The following SKAP1 variants were observed in gnomAD, a reference collection of about 807,000 sequenced individuals.
SKAP1 encodes the protein src kinase-associated phosphoprotein 1.
In SKAP1, 44 loss-of-function variants were observed where a neutral mutation model predicts 58.5. The observed-to-expected ratio is 0.75, with a 90% confidence interval of 0.59 to 0.97. The LOEUF (loss-of-function observed/expected upper bound fraction) is 0.97, where lower values mean the gene tolerates loss of function less well. Ranked by LOEUF, SKAP1 falls within the 50% of genes least tolerant of loss-of-function variation. SKAP1 has a pLI of 0.00. For missense variants in SKAP1, 390 were observed against 435.2 expected (o/e 0.90, Z 0.92); for synonymous variants, 127 against 149.7 (o/e 0.85, Z 1.11).
At chr17:48,191,999 T>C (rs1375744247) in intron 4 of SKAP1, among the ~76,000 whole-genome samples, 1 of 152,086 alleles carries the variant, frequency 6.6e-6, no homozygotes, top group Non-Finnish European at 1.5e-5. Context: ...AAGAGAAGGC[T>C]CTCTGAAGTG....
intron 1 of SKAP1, among the ~76,000 whole-genome samples, chr17:48,414,419 A>T (rs1482670317): frequency 6.6e-6 from 1 of 152,162 alleles, no homozygotes; most frequent in African/African-American, 2.4e-5. Flanking sequence ...GAGAGACAAA[A>T]AATTTCAAAT....
rs191540582 is a variant in SKAP1, at chr17:48,324,853, G to A, written c.280+21052C>T. Among the ~76,000 whole-genome samples, 101 of 151,990 alleles carry A rather than the reference G, an allele frequency of 6.6e-4. 2 individuals carry two copies. Among genetic ancestry groups the A allele is most frequent in the Non-Finnish European group, 1.3e-3 (85 of 67,982 alleles). On this transcript the variant is annotated intron_variant, in intron 4 of 12. Coordinates refer to ENST00000336915, the MANE Select transcript of SKAP1 (RefSeq NM_003726.4). The stretch of plus-strand genomic sequence containing the variant: ...ACCAAACTATTTACCCACCTGCAGC[G>A]TGTGGTCACTCCCTATACTTTTACC...
intron 10 of SKAP1, 96 bp from the exon 11 acceptor site, chr17:48,162,665 G>A: frequency 1.2e-6 from 1 of 838,210 alleles, no homozygotes; most frequent in Non-Finnish European, 1.9e-6. Flanking sequence ...TTCTGATATT[G>A]CCCCTAGGAA....
intron 4 of SKAP1, among the ~76,000 whole-genome samples, chr17:48,298,217 C>T (rs995362592): frequency 1.3e-5 from 2 of 152,162 alleles, no homozygotes; most frequent in Non-Finnish European, 1.5e-5. Flanking sequence ...CTAAAGTTTC[C>T]GGACTTCTAT....
intron 2 of SKAP1, among the ~76,000 whole-genome samples, chr17:48,374,216 T>G (rs1215132958): frequency 6.6e-6 from 1 of 151,538 alleles, no homozygotes; most frequent in Non-Finnish European, 1.5e-5. Context: ...TGTTTTTTTT[T>G]TTTTTGTACA....
At chr17:48,413,523 A>AATATATATATATATAT (rs1555624885) in intron 1 of SKAP1, among the ~76,000 whole-genome samples, 6 of 105,424 alleles carry the variant, frequency 5.7e-5, no homozygotes, top group African/African-American at 2.1e-4. Context: ...TCAAAAAAAA[A>AATATATATATATATAT]ATATATATAT....
At chr17:48,141,576 C>T (rs1386930049) in intron 11 of SKAP1, among the ~76,000 whole-genome samples, 1 of 151,938 alleles carries the variant, frequency 6.6e-6, no homozygotes, top group Non-Finnish European at 1.5e-5. Context: ...GGGGTTTCAC[C>T]ATATTGGCCA....
intron 4 of SKAP1, among the ~76,000 whole-genome samples, chr17:48,204,973 T>TTTTCTTTTCTTTTC (rs71356522): frequency 5.6e-4 from 43 of 77,322 alleles, no homozygotes; most frequent in Admixed American, 8.7e-4. Context: ...TTTTCTTTTC[T>TTTTCTTTTCTTTTC]TTTCTTTCTT....
chr17:48,312,656 T>C (rs1031081165), intron 4 of SKAP1, among the ~76,000 whole-genome samples: 1 of 152,218 alleles, frequency 6.6e-6, no homozygotes, highest in Non-Finnish European at 1.5e-5. Context: ...TTCAGAAGAA[T>C]GACCAAGACA....
the SKAP1 span, among the ~76,000 whole-genome samples, chr17:48,441,527 C>G: frequency 6.6e-6 from 1 of 152,152 alleles, no homozygotes; most frequent in Non-Finnish European, 1.5e-5. Flanking sequence ...AATAGCTTTA[C>G]CACTTCCTGT....
At chr17:48,435,777 G>A in the SKAP1 span, among the ~76,000 whole-genome samples, 4 of 152,196 alleles carry the variant, frequency 2.6e-5, no homozygotes, top group African/African-American at 4.8e-5. Context: ...GAGAGAAGGG[G>A]CAGTTATTTA....
chr17:48,256,317 T>C (rs2065423441), intron 4 of SKAP1, among the ~76,000 whole-genome samples: 1 of 152,066 alleles, frequency 6.6e-6, no homozygotes, highest in Non-Finnish European at 1.5e-5. Flanking sequence ...ACAGACTGAA[T>C]GATGAAAAAA....
At chr17:48,180,381 C>T (rs1314577198) in intron 8 of SKAP1, 133 bp from the exon 9 acceptor site, 3 of 686,908 alleles carry the variant, frequency 4.4e-6, no homozygotes, top group African/African-American at 1.8e-5. Flanking sequence ...AGGTTAAATG[C>T]TATTATTTCT....
intron 1 of SKAP1, among the ~76,000 whole-genome samples, chr17:48,420,493 A>G (rs900825315): frequency 6.6e-6 from 1 of 152,152 alleles, no homozygotes; most frequent in Non-Finnish European, 1.5e-5. Context: ...TTTACTTTAG[A>G]TAGGATAAAG....
At chr17:48,405,158 G>T in intron 1 of SKAP1, among the ~76,000 whole-genome samples, 1 of 152,024 alleles carries the variant, frequency 6.6e-6, no homozygotes, top group East Asian at 1.9e-4. Flanking sequence ...ATAATGGTTT[G>T]GAGTGTGTCC....
intron 4 of SKAP1, chr17:48,344,251 T>C (rs1344774507): frequency 5.2e-6 from 3 of 576,818 alleles, no homozygotes; most frequent in Non-Finnish European, 6.6e-6. Flanking sequence ...TGTTCTTGTT[T>C]CTTACCTTAA....
chr17:48,438,858 G>A, the SKAP1 span, among the ~76,000 whole-genome samples: 1 of 152,148 alleles, frequency 6.6e-6, no homozygotes, highest in Non-Finnish European at 1.5e-5. Context: ...TGTGGCAGAC[G>A]GACACGACTT....
chr17:48,365,812 T>C (rs1434959142), intron 2 of SKAP1, among the ~76,000 whole-genome samples: 2 of 137,704 alleles, frequency 1.5e-5, no homozygotes, highest in African/African-American at 2.7e-5. Context: ...AGGGAGGGAG[T>C]CCACAGTTTT....
chr17:48,160,374 G>A (rs907003276), intron 11 of SKAP1, among the ~76,000 whole-genome samples: 2 of 152,034 alleles, frequency 1.3e-5, no homozygotes, highest in Admixed American at 1.3e-4. Context: ...TTGGGCTCAA[G>A]CATCCTCCTG....
Sources: gnomAD v4.1 joint callset for allele counts (sites outside exome capture counted in the v4.1 genomes callset) on GRCh38, gnomAD v4.1.1 for gene constraint, MANE v1.5 for transcripts, NCBI Gene and HGNC (gene_info 2026-07-23, HGNC 2026-07-21) for gene names.